Variants in CALN1 observed in about 807,000 individuals in gnomAD.
The protein encoded by CALN1 is calneuron 1, also known as calcium-binding protein 8.
CALN1 carries 17 observed loss-of-function variants against 30.6 expected under a neutral mutation model. The ratio of observed to expected loss-of-function variants is 0.56; its 90% CI spans 0.38 to 0.83. CALN1 has a LOEUF of 0.83. Ranked by LOEUF, CALN1 falls within the 40% of genes least tolerant of loss-of-function variation. The pLI is 0.00. For synonymous variants in CALN1, 156 were observed against 131.4 expected (o/e 1.19, Z -1.28); for missense variants, 291 against 354.9 (o/e 0.82, Z 1.45).
intron 2 of CALN1, among the ~76,000 whole-genome samples, chr7:72,297,111 A>C (rs918507856): frequency 1.3e-5 from 2 of 151,756 alleles, no homozygotes; most frequent in African/African-American, 4.8e-5. Flanking sequence ...CGTCCCAGAG[A>C]CTCTGGTATG....
intron 5 of CALN1, among the ~76,000 whole-genome samples, chr7:71,815,033 C>A (rs2116251951): frequency 6.6e-6 from 1 of 152,150 alleles, no homozygotes; most frequent in African/African-American, 2.4e-5. Flanking sequence ...CGGAGTTTCA[C>A]CGTGTTAGCC....
chr7:72,404,361 G>A (rs781300565), intron 1 of CALN1, among the ~76,000 whole-genome samples: 2 of 152,152 alleles, frequency 1.3e-5, no homozygotes, highest in African/African-American at 2.4e-5. Flanking sequence ...AATATGTATT[G>A]AACACACAGT....
chr7:72,367,871 C>T (rs1481897799), intron 2 of CALN1, among the ~76,000 whole-genome samples: 3 of 151,930 alleles, frequency 2.0e-5, no homozygotes, highest in African/African-American at 7.3e-5. Flanking sequence ...CAGTGGCTCA[C>T]ACCTGTAATA....
Position 72,385,449 on chromosome 7 carries a change from T to C in CALN1, c.119+17802A>G, listed in dbSNP as rs111343511. 4.9e-3 allele frequency among the ~76,000 whole-genome samples: 743 copies of C among 152,272 alleles called. 3 individuals carry two copies. Among genetic ancestry groups the C allele is most frequent in the African/African-American group, 0.017 (703 of 41,526 alleles). ...AACAAACTGTGGTACATCTATGAAA[T>C]GGAATATTATTCAGTTATAAAAAGA... On this transcript the variant is annotated intron_variant, in intron 2 of 6. Coordinates refer to ENST00000395275, the MANE Select transcript of CALN1 (RefSeq NM_031468.4).
In CALN1 at chr7:72,377,459, G is replaced by GTC. The variant is rs1444274302; in HGVS notation, c.119+25791_119+25792insGA. On this transcript the variant is annotated intron_variant, in intron 2 of 6. Transcript: ENST00000395275. ...TTCGTGTGTGTGTGTGTGTGTGTGT[G>GTC]TGTGTGTGTGTGTGTTTGCATGTAT... Among the ~76,000 whole-genome samples the GTC allele has an allele frequency of 5.3e-5, 8 of 151,852 alleles. 1 individual carries two copies. The East Asian group carries it at 1.4e-3, about 26-fold the overall frequency.
At chr7:72,447,309 T>G (rs1458145203), upstream of CALN1, among the ~76,000 whole-genome samples, 1 of 152,134 alleles carries the variant, frequency 6.6e-6, no homozygotes, top group African/African-American at 2.4e-5. Flanking sequence ...GAAAGCTTCC[T>G]GCAGCCCTCT....
intron 3 of CALN1, among the ~76,000 whole-genome samples, chr7:72,116,518 A>C (rs1362478804): frequency 6.6e-6 from 1 of 152,232 alleles, no homozygotes; most frequent in Non-Finnish European, 1.5e-5. Flanking sequence ...GGCCCTTCAA[A>C]GAGGGCACAA....
intron 5 of CALN1, among the ~76,000 whole-genome samples, chr7:71,929,996 T>C (rs1435911589): frequency 6.6e-6 from 1 of 152,242 alleles, no homozygotes; most frequent in Admixed American, 6.5e-5. Context: ...CGTATTTGCA[T>C]ATAACCTACG....
At chr7:72,405,322 G>A (rs750532387) in intron 1 of CALN1, among the ~76,000 whole-genome samples, 14 of 152,290 alleles carry the variant, frequency 9.2e-5, no homozygotes, top group Admixed American at 6.5e-5. Context: ...CTTCAGATGC[G>A]TGCTCACAGA....
chr7:71,883,402 G>A (rs1204861716), intron 5 of CALN1, among the ~76,000 whole-genome samples: 1 of 152,096 alleles, frequency 6.6e-6, no homozygotes, highest in Non-Finnish European at 1.5e-5. Context: ...CAAAAATGGT[G>A]GGGGATGTCT....
chr7:72,234,196 G>A (rs1794315820), intron 3 of CALN1, among the ~76,000 whole-genome samples: 1 of 152,154 alleles, frequency 6.6e-6, no homozygotes, highest in Non-Finnish European at 1.5e-5. Context: ...ACAAGGTAAA[G>A]CAGGATTAGA....
the CALN1 span, among the ~76,000 whole-genome samples, chr7:72,473,588 A>C: frequency 6.6e-6 from 1 of 152,218 alleles, no homozygotes; most frequent in Non-Finnish European, 1.5e-5. Flanking sequence ...TGAAATAATT[A>C]AGAGAGTTGG....
chr7:72,137,928 C>T (rs147914307), intron 3 of CALN1, among the ~76,000 whole-genome samples: 1,774 of 152,256 alleles, frequency 0.012, 22 homozygotes, highest in Middle Eastern at 0.02. Flanking sequence ...GCTCCAATGT[C>T]TACAATCAGG....
intron 6 of CALN1, among the ~76,000 whole-genome samples, chr7:71,799,064 G>A (rs1787143256): frequency 6.6e-6 from 1 of 152,140 alleles, no homozygotes. Context: ...AGCAGCACAT[G>A]TTCAGCAATG....
At chr7:72,487,372 T>G in the CALN1 span, among the ~76,000 whole-genome samples, 1 of 151,666 alleles carries the variant, frequency 6.6e-6, no homozygotes, top group Non-Finnish European at 1.5e-5. Context: ...GAAATAAAAC[T>G]CCCCAGCTGG....
At chr7:72,085,978 G>A (rs1026305846) in intron 4 of CALN1, among the ~76,000 whole-genome samples, 4 of 151,670 alleles carry the variant, frequency 2.6e-5, no homozygotes, top group African/African-American at 7.3e-5. Context: ...GATGTATAAG[G>A]AAAATCATCT....
At chr7:71,996,694 G>A (rs1432944579) in intron 5 of CALN1, among the ~76,000 whole-genome samples, 1 of 152,192 alleles carries the variant, frequency 6.6e-6, no homozygotes, top group East Asian at 1.9e-4. Flanking sequence ...TATTACCCTG[G>A]ATGATGGGTT....
intron 3 of CALN1, among the ~76,000 whole-genome samples, chr7:72,171,389 C>G (rs1788949261): frequency 6.6e-6 from 1 of 152,062 alleles, no homozygotes; most frequent in Non-Finnish European, 1.5e-5. Flanking sequence ...TCTTGACAGG[C>G]TCAGAGAGGA....
At chr7:72,368,809 CTT>C (rs57192078) in intron 2 of CALN1, among the ~76,000 whole-genome samples, 298 of 101,514 alleles carry the variant, frequency 2.9e-3, no homozygotes, top group Middle Eastern at 0.013. Flanking sequence ...GTTTGAAACC[CTT>C]TTTTTTTTTT....
Sources: allele counts gnomAD v4.1 joint callset (sites outside exome capture counted in the v4.1 genomes callset), GRCh38; gene constraint gnomAD v4.1.1; transcripts MANE v1.5; gene names NCBI Gene and HGNC (gene_info 2026-07-23, HGNC 2026-07-21).